The following LONP2 variants were observed in gnomAD, a reference collection of about 807,000 sequenced individuals.
LONP2 encodes the protein lon peptidase 2, peroxisomal, also known as lon protease homolog 2, peroxisomal.
Under a neutral mutation model 85.6 loss-of-function variants are expected in LONP2, and 60 were observed. The ratio of observed to expected loss-of-function variants is 0.70; its 90% CI spans 0.57 to 0.87. LONP2 has a LOEUF of 0.87. Among genes scored for constraint, LONP2 ranks in the 40% least tolerant of loss-of-function variants. The pLI is 0.00. For synonymous variants in LONP2, 395 were observed against 389.7 expected, an observed-to-expected ratio of 1.01 and a Z score of -0.16; for missense variants, 860 against 1,063.5, an observed-to-expected ratio of 0.81 and a Z score of 2.66.
At chr16:48,361,318 G>A (rs1042711607), downstream of LONP2, 3 of 370,314 alleles carry the variant, frequency 8.1e-6, no homozygotes, top group Non-Finnish European at 1.5e-5. Context: ...ATTTTACAAT[G>A]CTTCCTTTCT....
downstream of LONP2, among the ~76,000 whole-genome samples, chr16:48,359,012 G>A (rs1040110341): frequency 3.9e-5 from 6 of 152,054 alleles, no homozygotes; most frequent in African/African-American, 1.4e-4. Flanking sequence ...TTTGAGCCAA[G>A]AGTCTCAGTC....
intron 1 of LONP2, among the ~76,000 whole-genome samples, chr16:48,245,673 G>C (rs1971334845): frequency 6.6e-6 from 1 of 151,944 alleles, no homozygotes; most frequent in Non-Finnish European, 1.5e-5. Flanking sequence ...GCCAGATTTT[G>C]AAAAAACTTT....
At position 48,353,736 on chromosome 16, in the gene LONP2, C is replaced by T. The variant is rs1166234626; in HGVS notation, c.*1934C>T. On this transcript the variant is annotated 3_prime_UTR_variant, in exon 15 of 15. Transcript: ENST00000285737. ...CTAGAACAAACTGTGAATTCACTTTCAGCAACCAGAGGGCGCTAATCCACA... is the reference window on the plus strand; with the variant it reads ...CTAGAACAAACTGTGAATTCACTTTTAGCAACCAGAGGGCGCTAATCCACA... The T allele has an allele frequency of 6.6e-6, 1 of 152,054 alleles. No homozygotes were observed. The highest frequency in any genetic ancestry group is 1.5e-5 in the Non-Finnish European group (1 of 68,046). 9.4% of individuals were successfully genotyped at this position (152,054 alleles called of 1,614,324 possible).
chr16:48,346,908 T>C (rs1453954158), intron 12 of LONP2, among the ~76,000 whole-genome samples: 3 of 151,874 alleles, frequency 2.0e-5, no homozygotes, highest in African/African-American at 7.3e-5. Flanking sequence ...CCCAGCACTT[T>C]GGGAGGCTGA....
chr16:48,314,691 G>A (rs370367396), intron 11 of LONP2, among the ~76,000 whole-genome samples: 1 of 152,102 alleles, frequency 6.6e-6, no homozygotes, highest in East Asian at 1.9e-4. Context: ...TTTTTTAAGA[G>A]TTTTGATCAT....
chr16:48,256,039 T>C (rs1327689421), intron 2 of LONP2, among the ~76,000 whole-genome samples: 1 of 152,260 alleles, frequency 6.6e-6, no homozygotes, highest in Non-Finnish European at 1.5e-5. Flanking sequence ...CACATATTTC[T>C]AATAATATGC....
At chr16:48,247,301 C>T (rs1306110877) in intron 1 of LONP2, 1 of 152,762 alleles carries the variant, frequency 6.5e-6, no homozygotes, top group Non-Finnish European at 1.5e-5. Context: ...CAAGTCTGTC[C>T]TTCCCCAGTT....
chr16:48,248,037 T>C (rs1971503053), intron 1 of LONP2, among the ~76,000 whole-genome samples: 1 of 152,248 alleles, frequency 6.6e-6, no homozygotes, highest in Non-Finnish European at 1.5e-5. Context: ...TTATTAAATT[T>C]AAATTTATCC....
At chr16:48,347,830 T>C (rs946980422) in intron 13 of LONP2, 116 bp downstream of exon 13, 1 of 982,418 alleles carries the variant, frequency 1.0e-6, no homozygotes, top group Non-Finnish European at 1.5e-6. Context: ...CACACCGTTT[T>C]GAACCCCTGT....
In LONP2 at chr16:48,244,349, T is replaced by G. The variant is rs769730357; in HGVS notation, c.-40T>G. 4.9e-6 allele frequency: 7 copies of G among 1,441,140 alleles called. No individual in the cohort carries two copies. The East Asian group carries it at 1.6e-4, about 33-fold the overall frequency. The allele number at this position is 1,441,140 out of a possible 1,614,324, so 89.3% of individuals were successfully genotyped here. On this transcript the variant is annotated 5_prime_UTR_variant, in exon 1 of 15. Coordinates refer to ENST00000285737, the MANE Select transcript of LONP2 (RefSeq NM_031490.5). The stretch of plus-strand genomic sequence containing the variant: ...GGCAGGCCGGGGGCAGCTGTCTGTC[T>G]GGCTCTTTTTGACAGCCCCCAGTGC...
At chr16:48,343,567 G>A (rs770869525) in intron 12 of LONP2, among the ~76,000 whole-genome samples, 6 of 151,848 alleles carry the variant, frequency 4.0e-5, no homozygotes, top group Non-Finnish European at 7.4e-5. Flanking sequence ...GCATGGTGAC[G>A]CACACCTGTA....
rs749008742 is a variant in LONP2, at chr16:48,296,003, G to A, written c.1384-12G>A. On this transcript the variant is annotated splice_polypyrimidine_tract_variant and intron_variant, in intron 8 of 14. Transcript: ENST00000285737. The stretch of plus-strand genomic sequence containing the variant: ...TACTAAAGTTTTTAAAATGTTTTTT[G>A]TTCTCCCCTAGGTGTTGGATCCTGA... 6 of 1,603,526 alleles carry A rather than the reference G, an allele frequency of 3.7e-6. No homozygotes were observed. Among genetic ancestry groups the A allele is most frequent in the South Asian group, 3.3e-5 (3 of 90,408 alleles).
intron 3 of LONP2, among the ~76,000 whole-genome samples, chr16:48,256,999 A>G (rs374669835): frequency 1.3e-5 from 2 of 152,204 alleles, no homozygotes; most frequent in African/African-American, 4.8e-5. Context: ...ATTTACAGAA[A>G]AAGTTAAAGC....
chr16:48,317,514 C>G (rs1251413689), intron 11 of LONP2, among the ~76,000 whole-genome samples: 2 of 152,176 alleles, frequency 1.3e-5, no homozygotes, highest in African/African-American at 4.8e-5. Flanking sequence ...TAGCTTTAGG[C>G]TTCTACCTAT....
chr16:48,301,938 C>G (rs1972814448), intron 10 of LONP2, among the ~76,000 whole-genome samples: 1 of 152,172 alleles, frequency 6.6e-6, no homozygotes, highest in Admixed American at 6.5e-5. Flanking sequence ...CCTGATTAGT[C>G]TTCTTCTGAA....
At chr16:48,319,738 A>G (rs1271582585) in intron 11 of LONP2, among the ~76,000 whole-genome samples, 2 of 152,094 alleles carry the variant, frequency 1.3e-5, no homozygotes, top group Admixed American at 1.3e-4. Flanking sequence ...ACCCATCACT[A>G]TTGCCATATT....
chr16:48,354,592 G>C lies in LONP2; in HGVS notation c.*2790G>C, dbSNP rs1203113350. On this transcript the variant is annotated 3_prime_UTR_variant, in exon 15 of 15. Transcript: ENST00000285737. ...AATTCCACCCTCACCCCAGACCCTG[G>C]TAACCACTATTTCACTTTCTTTCTG... 1 of 152,170 alleles carries C rather than the reference G, an allele frequency of 6.6e-6. No individual in the cohort carries two copies. The highest frequency in any genetic ancestry group is 2.4e-5 in the African/African-American group (1 of 41,322). The allele number at this position is 152,170 out of a possible 1,614,324, so 9.4% of individuals were successfully genotyped here.
chr16:48,342,760 A>T (rs560591330), intron 12 of LONP2, among the ~76,000 whole-genome samples: 3 of 152,310 alleles, frequency 2.0e-5, no homozygotes, highest in South Asian at 4.1e-4. Flanking sequence ...CAGTACTAAG[A>T]CTTTAAAGAA....
intron 12 of LONP2, chr16:48,345,571 T>C (rs1490647968): frequency 2.6e-5 from 4 of 152,232 alleles, no homozygotes; most frequent in Non-Finnish European, 4.4e-5. Context: ...CTCTTACATA[T>C]AGATCGTTTG....
Sources: gnomAD v4.1 joint callset for allele counts (sites outside exome capture counted in the v4.1 genomes callset) on GRCh38, gnomAD v4.1.1 for gene constraint, MANE v1.5 for transcripts, NCBI Gene and HGNC (gene_info 2026-07-23, HGNC 2026-07-21) for gene names.